Variants in GCFC2 observed in about 807,000 individuals in gnomAD.
The protein encoded by GCFC2 is GC-rich sequence DNA-binding factor 2.
Under a neutral mutation model 99.4 loss-of-function variants are expected in GCFC2, and 102 were observed. The observed-to-expected ratio is 1.03, with a 90% CI of 0.87 to 1.21. The LOEUF (loss-of-function observed/expected upper bound fraction) is 1.21. Ranked by LOEUF, GCFC2 falls within the 50% of genes most tolerant of loss-of-function variation. GCFC2 has a pLI of 0.00. For synonymous variants in GCFC2, 338 were observed against 316.8 expected (o/e 1.07, Z -0.71); for missense variants, 973 against 920.9 (o/e 1.06, Z -0.73).
intron 15 of GCFC2, among the ~76,000 whole-genome samples, chr2:75,668,765 T>C (rs1299031549): frequency 1.3e-5 from 2 of 152,202 alleles, no homozygotes; most frequent in African/African-American, 2.4e-5. Context: ...AAAATCTATA[T>C]GTGCATCTCT....
At chr2:75,673,609 A>C in intron 12 of GCFC2, 89 bp from the exon 13 acceptor site, 2 of 667,884 alleles carry the variant, frequency 3.0e-6, no homozygotes, top group Non-Finnish European at 5.5e-6. Context: ...GTACAAATTT[A>C]TCCACACTCA....
intron 11 of GCFC2, among the ~76,000 whole-genome samples, chr2:75,682,510 G>GAAAATTCC (rs1206754974): frequency 6.6e-6 from 1 of 151,832 alleles, no homozygotes; most frequent in Non-Finnish European, 1.5e-5. Flanking sequence ...CAAAAAGGCT[G>GAAAATTCC]AAAATTCCAA....
intron 6 of GCFC2, among the ~76,000 whole-genome samples, chr2:75,692,629 A>G (rs1043985422): frequency 1.3e-5 from 2 of 151,974 alleles, no homozygotes; most frequent in Non-Finnish European, 2.9e-5. Context: ...CCTGGGCAAC[A>G]GAGTGAGGCT....
intron 7 of GCFC2, 93 bp downstream of exon 7, chr2:75,691,884 G>A: frequency 4.5e-6 from 3 of 666,936 alleles, no homozygotes; most frequent in Non-Finnish European, 6.3e-6. Context: ...GAAAATACAT[G>A]AAAAACATGT....
intron 1 of GCFC2, 129 bp downstream of exon 1, chr2:75,710,462 T>C: frequency 2.2e-6 from 3 of 1,374,972 alleles, no homozygotes. Context: ...TAAGTCTTTC[T>C]GGATAAGACT....
intron 6 of GCFC2, among the ~76,000 whole-genome samples, chr2:75,693,828 C>A (rs1306148323): frequency 6.6e-6 from 1 of 151,982 alleles, no homozygotes; most frequent in South Asian, 2.1e-4. Flanking sequence ...AAAGAGTTTG[C>A]TTGAGATCAA....
intron 11 of GCFC2, among the ~76,000 whole-genome samples, chr2:75,680,695 A>G (rs1679535784): frequency 6.6e-6 from 1 of 152,126 alleles, no homozygotes. Context: ...ATTACTTCAT[A>G]CCTTCTCCCC....
At position 75,689,057 on chromosome 2, in the gene GCFC2, C is replaced by T. The variant is rs374515599; in HGVS notation, c.1508G>A (p.Arg503Gln). The stretch of plus-strand genomic sequence containing the variant: ...AGGATTCCAATCAATCAACTGAACT[C>T]GTATTAGGGGATTTAAAAGCTTTGG... Reference protein sequence around the residue: ...CIPKLLNPLIRVQLIDWNPLK... With the variant: ...CIPKLLNPLIQVQLIDWNPLK... Residue 503 changes from arginine to glutamine, a missense_variant, in exon 10 of 17, where the codon CGA becomes CAA. Arg to Gln is a conservative substitution (Grantham distance 43). Transcript: ENST00000321027. 94 of 1,584,516 alleles carry T rather than the reference C, an allele frequency of 5.9e-5. No homozygotes were observed. In the East Asian group the frequency reaches 6.5e-4, roughly 11 times the overall value.
chr2:75,705,439 C>T lies in GCFC2; in HGVS notation c.394+1084G>A, dbSNP rs188523912. Among the ~76,000 whole-genome samples the T allele has an allele frequency of 3.1e-3, 469 of 151,684 alleles. 2 individuals are homozygous for T. In the East Asian group the frequency reaches 0.032, roughly 10 times the overall value. On this transcript the variant is annotated intron_variant, in intron 2 of 16. Coordinates refer to ENST00000321027, the MANE Select transcript of GCFC2 (RefSeq NM_003203.5). ...GAGATCGAGACCATCTTGGCTAACA[C>T]GGTGAAACCCCATCTCTACTAAAAA... is the stretch of plus-strand genomic sequence containing the variant.
chr2:75,707,100 A>T (rs1400999252), intron 1 of GCFC2, among the ~76,000 whole-genome samples: 1 of 152,222 alleles, frequency 6.6e-6, no homozygotes, highest in Non-Finnish European at 1.5e-5. Context: ...CTAAGGATTG[A>T]GAGGATAAAG....
chr2:75,693,310 C>T (rs1254868975), intron 6 of GCFC2, among the ~76,000 whole-genome samples: 1 of 152,026 alleles, frequency 6.6e-6, no homozygotes, highest in Non-Finnish European at 1.5e-5. Context: ...TGTGGTGGTG[C>T]ACGCCTGTAG....
chr2:75,704,766 C>T (rs767806676), intron 2 of GCFC2, among the ~76,000 whole-genome samples: 3 of 152,174 alleles, frequency 2.0e-5, no homozygotes, highest in South Asian at 2.1e-4. Flanking sequence ...CTCACTGCAA[C>T]CTCTGCCTCC....
intron 11 of GCFC2, among the ~76,000 whole-genome samples, chr2:75,686,218 G>A (rs1679809452): frequency 1.3e-5 from 2 of 151,652 alleles, no homozygotes; most frequent in African/African-American, 4.8e-5. Flanking sequence ...TGCACCATAA[G>A]TTTCATTGAA....
At chr2:75,699,011 CAAA>C (rs57676585) in intron 4 of GCFC2, among the ~76,000 whole-genome samples, 10 of 84,424 alleles carry the variant, frequency 1.2e-4, no homozygotes, top group African/African-American at 7.9e-5. Flanking sequence ...AACTCTGTCT[CAAA>C]AAAAAAAAAA....
At chr2:75,673,053 G>A (rs982471786) in intron 13 of GCFC2, among the ~76,000 whole-genome samples, 30 of 152,218 alleles carry the variant, frequency 2.0e-4, no homozygotes, top group African/African-American at 7.0e-4. Flanking sequence ...GCTCACGCCT[G>A]TAATCCCAGC....
At chr2:75,680,397 A>AACACTAC (rs1347022307) in intron 11 of GCFC2, 83 bp from the exon 12 acceptor site, 1 of 1,064,762 alleles carries the variant, frequency 9.4e-7, no homozygotes, top group East Asian at 2.4e-5. Flanking sequence ...ACCTTTAACA[A>AACACTAC]ACACTACTTC....
Position 75,670,284 on chromosome 2 carries a change from G to A in GCFC2, c.1957C>T (p.Leu653Phe). ...TTCCAAAGAAGAATATTGCGGAAGAGCTAAAATAAAATATCAAGTAAATAT... is the reference window on the plus strand; with the variant it reads ...TTCCAAAGAAGAATATTGCGGAAGAACTAAAATAAAATATCAAGTAAATAT... ...QERQFWSGLK[L>F]FRNILLWNGL... Residue 653 changes from leucine to phenylalanine, a missense_variant and splice_region_variant, in exon 15 of 17, where the codon CTC becomes TTC. Physicochemically the swap from Leu to Phe is conservative, Grantham distance 22 (BLOSUM62 0). Coordinates refer to ENST00000321027, the MANE Select transcript of GCFC2 (RefSeq NM_003203.5). The A allele has an allele frequency of 6.3e-7, 1 of 1,590,454 alleles. No homozygotes were observed. The highest frequency in any genetic ancestry group is 8.6e-7 in the Non-Finnish European group (1 of 1,159,294).
chr2:75,665,470 A>AT (rs562389432), intron 16 of GCFC2, among the ~76,000 whole-genome samples: 5 of 152,052 alleles, frequency 3.3e-5, no homozygotes, highest in African/African-American at 1.2e-4. Flanking sequence ...GGGCTTAAAA[A>AT]TTTTTTTTGG....
Position 75,696,238 on chromosome 2 carries a change from T to C in GCFC2, c.795A>G (p.Pro265=). 6.8e-7 allele frequency: 1 copy of C among 1,471,710 alleles called. No individual in the cohort carries two copies. The highest frequency in any genetic ancestry group is 9.5e-7 in the Non-Finnish European group (1 of 1,051,662). 91.2% of individuals were successfully genotyped at this position (1,471,710 alleles called of 1,614,324 possible). The part of the protein sequence containing the change: ...KKFDTSISFP[P]VNLEIIKKQL... Reference sequence around the variant, plus strand: ...GCTTCTTTATAATTTCTAAATTTACTGGCGGAAATGAAATGGAAGTATCAA... The same window carrying C: ...GCTTCTTTATAATTTCTAAATTTACCGGCGGAAATGAAATGGAAGTATCAA... The change falls in exon 5 of 17, where the codon CCA becomes CCG. Residue 265 remains proline, a synonymous_variant. Coordinates refer to ENST00000321027, the MANE Select transcript of GCFC2 (RefSeq NM_003203.5).
Sources: allele counts gnomAD v4.1 joint callset (sites outside exome capture counted in the v4.1 genomes callset), GRCh38; gene constraint gnomAD v4.1.1; transcripts MANE v1.5; gene names NCBI Gene and HGNC (gene_info 2026-07-23, HGNC 2026-07-21).